The following SDK1 variants were observed in gnomAD, a reference collection of about 807,000 sequenced individuals.
SDK1 encodes protein sidekick-1.
In SDK1, 157 loss-of-function variants were observed where a neutral mutation model predicts 245.5. That is an observed-to-expected ratio of 0.64 (90% CI 0.56 to 0.73). The LOEUF is 0.73. Among genes scored for constraint, SDK1 ranks in the 30% least tolerant of loss-of-function variants. The pLI is 0.00. For missense variants in SDK1, 3,583 were observed against 3,002.3 expected (o/e 1.19, Z -4.52); for synonymous variants, 1,647 against 1,278.5 (o/e 1.29, Z -6.15).
intron 1 of SDK1, among the ~76,000 whole-genome samples, chr7:3,529,802 A>T (rs770064188): frequency 6.6e-6 from 1 of 152,168 alleles, no homozygotes; most frequent in Non-Finnish European, 1.5e-5. Context: ...GGGGTGGGCT[A>T]TGCTCACATC....
chr7:4,240,708 G>A (rs778030347), intron 42 of SDK1, among the ~76,000 whole-genome samples: 2 of 152,188 alleles, frequency 1.3e-5, no homozygotes, highest in Non-Finnish European at 2.9e-5. Context: ...ATGGACTTAA[G>A]TCTGTACCTC....
At chr7:3,553,057 C>G (rs1779466147) in intron 1 of SDK1, among the ~76,000 whole-genome samples, 1 of 151,990 alleles carries the variant, frequency 6.6e-6, no homozygotes, top group Non-Finnish European at 1.5e-5. Flanking sequence ...TTTAAAAGTA[C>G]TCCTCATCCT....
At chr7:3,557,028 CTAAGT>C (rs149369086) in intron 1 of SDK1, among the ~76,000 whole-genome samples, 34,670 of 151,182 alleles carry the variant, frequency 0.23, 4,242 homozygotes, top group East Asian at 0.35. Context: ...AATCAATAAT[CTAAGT>C]TAATACCTCA....
chr7:3,945,572 GA>G (rs150652162), intron 5 of SDK1, among the ~76,000 whole-genome samples: 5,425 of 152,140 alleles, frequency 0.036, 251 homozygotes, highest in African/African-American at 0.11. Context: ...TATGGTTACT[GA>G]AAATAAACAT....
chr7:3,722,033 T>C (rs988724764), intron 4 of SDK1, among the ~76,000 whole-genome samples: 2 of 151,328 alleles, frequency 1.3e-5, no homozygotes, highest in Non-Finnish European at 2.9e-5. Flanking sequence ...TGACCTCTTG[T>C]TTTTTTTGTT....
At chr7:3,714,134 C>T (rs10261179) in intron 4 of SDK1, among the ~76,000 whole-genome samples, 8 of 152,040 alleles carry the variant, frequency 5.3e-5, no homozygotes, top group Admixed American at 3.3e-4. Flanking sequence ...AACAACAACA[C>T]GTTGACGCCA....
At chr7:4,226,237 A>C (rs1392994689) in intron 40 of SDK1, among the ~76,000 whole-genome samples, 1 of 152,162 alleles carries the variant, frequency 6.6e-6, no homozygotes, top group Non-Finnish European at 1.5e-5. Context: ...GGGAGGGGCC[A>C]CACAGGGGCC....
At chr7:4,149,517 G>T in intron 30 of SDK1, 54 bp downstream of exon 30, 3 of 1,268,168 alleles carry the variant, frequency 2.4e-6, no homozygotes, top group Non-Finnish European at 3.1e-6. Context: ...GCCGCCTCCA[G>T]CCAGCTCCTG....
intron 1 of SDK1, among the ~76,000 whole-genome samples, chr7:3,550,228 T>TA (rs1184820826): frequency 1.3e-5 from 2 of 152,226 alleles, no homozygotes; most frequent in Admixed American, 6.5e-5. Context: ...AAGGATTTCT[T>TA]AAAGAGGCTG....
chr7:4,014,564 G>A (rs950589353), intron 16 of SDK1, among the ~76,000 whole-genome samples: 7 of 152,198 alleles, frequency 4.6e-5, no homozygotes, highest in Non-Finnish European at 1.0e-4. Flanking sequence ...TGTCAGATCC[G>A]AGGCACAATG....
intron 1 of SDK1, among the ~76,000 whole-genome samples, chr7:3,515,501 AAC>A (rs1222664612): frequency 6.6e-6 from 1 of 152,282 alleles, no homozygotes; most frequent in African/African-American, 2.4e-5. Flanking sequence ...TTTATTTAAA[AAC>A]ACACACTGTC....
chr7:3,970,955 G>A (rs1385709339), intron 11 of SDK1, among the ~76,000 whole-genome samples: 1 of 152,170 alleles, frequency 6.6e-6, no homozygotes, highest in Non-Finnish European at 1.5e-5. Flanking sequence ...ATCCCGTACT[G>A]GCTTGGGGGA....
At chr7:4,123,392 C>T (rs183218848) in intron 25 of SDK1, among the ~76,000 whole-genome samples, 29 of 152,172 alleles carry the variant, frequency 1.9e-4, no homozygotes, top group African/African-American at 6.7e-4. Flanking sequence ...GTTTATCAAA[C>T]TTTTGTATAA....
chr7:4,265,107 T>C lies in SDK1; in HGVS notation c.6382-17T>C. The C allele has an allele frequency of 6.2e-7, 1 of 1,606,916 alleles. No homozygotes were observed. Among genetic ancestry groups the C allele is most frequent in the South Asian group, 1.1e-5 (1 of 90,460 alleles). On this transcript the variant is annotated splice_polypyrimidine_tract_variant and intron_variant, in intron 44 of 44. Coordinates refer to ENST00000404826, the MANE Select transcript of SDK1 (RefSeq NM_152744.4). ...CGCCCTGCCCTGCACTCACACCTTC[T>C]CTCCCGCTCCCCGCAGGCCACGGAC...
chr7:3,518,114 GAAGAT>G (rs1469664563), intron 1 of SDK1, among the ~76,000 whole-genome samples: 7 of 152,032 alleles, frequency 4.6e-5, no homozygotes, highest in African/African-American at 1.7e-4. Context: ...GTTTCCCCTA[GAAGAT>G]AAGATGAGCT....
intron 14 of SDK1, among the ~76,000 whole-genome samples, chr7:4,002,653 T>A (rs181994475): frequency 5.9e-5 from 9 of 152,322 alleles, no homozygotes; most frequent in Admixed American, 2.0e-4. Flanking sequence ...ATAAATAATG[T>A]ACATACACAA....
intron 19 of SDK1, among the ~76,000 whole-genome samples, chr7:4,058,896 A>C (rs1285446045): frequency 2.0e-5 from 3 of 152,130 alleles, no homozygotes; most frequent in Non-Finnish European, 4.4e-5. Flanking sequence ...ACCATCATGA[A>C]AATGTACAAA....
chr7:4,203,031 G>A (rs187922575), intron 35 of SDK1, among the ~76,000 whole-genome samples: 288 of 152,270 alleles, frequency 1.9e-3, no homozygotes, highest in Middle Eastern at 3.4e-3. Flanking sequence ...ACTTAGGGAC[G>A]GCGAGCACAG....
chr7:3,732,439 T>G lies in SDK1; in HGVS notation c.714-89011T>G, dbSNP rs372808651. Among the ~76,000 whole-genome samples the G allele has an allele frequency of 6.6e-5, 10 of 152,344 alleles. No homozygotes were observed. The South Asian group carries it at 2.1e-3, about 32-fold the overall frequency. ...AGATTTTTTAAAAACTTGACACCAT[T>G]AATTTCTGCTTTGTCCAATTCATAT... is the stretch of plus-strand genomic sequence containing the variant. On this transcript the variant is annotated intron_variant, in intron 4 of 44. Transcript: ENST00000404826.
Sources: gnomAD v4.1 joint callset for allele counts (sites outside exome capture counted in the v4.1 genomes callset) on GRCh38, gnomAD v4.1.1 for gene constraint, MANE v1.5 for transcripts, NCBI Gene and HGNC (gene_info 2026-07-23, HGNC 2026-07-21) for gene names.